Variants in RYR2 observed in about 807,000 individuals in gnomAD.
RYR2 encodes ryanodine receptor 2.
Under a neutral mutation model 601.1 loss-of-function variants are expected in RYR2, and 227 were observed. The ratio of observed to expected loss-of-function variants is 0.38; its 90% confidence interval spans 0.34 to 0.42. The LOEUF (loss-of-function observed/expected upper bound fraction) is 0.42, where lower values mean the gene tolerates loss of function less well. RYR2 is among the 10% of genes least tolerant of loss of function. The probability of loss-of-function intolerance (pLI) is 1.00; values close to 1 mark genes in which losing one functional copy is unlikely to be tolerated. For missense variants in RYR2, 4,646 were observed against 6,156.5 expected (o/e 0.75, Z 8.21); for synonymous variants, 2,223 against 2,175.1 (o/e 1.02, Z -0.61).
intron 1 of RYR2, among the ~76,000 whole-genome samples, chr1:237,209,554 T>C (rs961003527): frequency 6.7e-6 from 1 of 148,708 alleles, no homozygotes; most frequent in African/African-American, 2.5e-5. Flanking sequence ...TCCAAGTGAT[T>C]TGAAAATGCC....
chr1:237,831,682 G>A, intron 104 of RYR2, 117 bp downstream of exon 104: 1 of 641,910 alleles, frequency 1.6e-6, no homozygotes, highest in Non-Finnish European at 2.7e-6. Flanking sequence ...TATTAGTTGT[G>A]GTATCTTGAT....
intron 10 of RYR2, among the ~76,000 whole-genome samples, chr1:237,412,235 T>G (rs1704529011): frequency 1.3e-5 from 2 of 152,124 alleles, no homozygotes; most frequent in Admixed American, 6.6e-5. Flanking sequence ...GACAATATTA[T>G]AATACTTATG....
intron 100 of RYR2, 89 bp from the exon 101 acceptor site, chr1:237,818,947 G>T: frequency 8.6e-7 from 1 of 1,157,964 alleles, no homozygotes; most frequent in Non-Finnish European, 1.2e-6. Context: ...CCAGAGTGAG[G>T]ATTAGGAACT....
chr1:237,702,514 A>T (rs1014211451), intron 66 of RYR2, among the ~76,000 whole-genome samples: 3 of 152,140 alleles, frequency 2.0e-5, no homozygotes, highest in African/African-American at 7.2e-5. Context: ...AAATAAAGAG[A>T]TCACTGGCAA....
intron 2 of RYR2, 23 bp from the exon 3 acceptor site, chr1:237,330,855 C>G: frequency 2.5e-6 from 4 of 1,584,466 alleles, no homozygotes; most frequent in Non-Finnish European, 3.5e-6. Context: ...ATGCTGCTGA[C>G]TGCTCTTCCT....
chr1:237,068,484 C>T (rs1663923071), intron 1 of RYR2, among the ~76,000 whole-genome samples: 1 of 152,080 alleles, frequency 6.6e-6, no homozygotes, highest in Non-Finnish European at 1.5e-5. Flanking sequence ...ACCAACGTGG[C>T]CATTTGTGTA....
chr1:237,432,775 TTTCTGTCA>T (rs773490880), intron 12 of RYR2, among the ~76,000 whole-genome samples: 15 of 152,146 alleles, frequency 9.9e-5, no homozygotes, highest in Non-Finnish European at 1.8e-4. Flanking sequence ...TACATCTGTT[TTTCTGTCA>T]TCACTATCAT....
At chr1:237,060,357 G>GT (rs975342989) in intron 1 of RYR2, among the ~76,000 whole-genome samples, 14 of 152,168 alleles carry the variant, frequency 9.2e-5, no homozygotes, top group South Asian at 8.3e-4. Context: ...TTCATAGACT[G>GT]TTTTTTTCCC....
chr1:237,656,516 A>G (rs181813577), intron 53 of RYR2, among the ~76,000 whole-genome samples: 16 of 152,300 alleles, frequency 1.1e-4, no homozygotes, highest in Admixed American at 7.2e-4. Flanking sequence ...TGTTCTACAA[A>G]TAGGATGTTT....
intron 12 of RYR2, among the ~76,000 whole-genome samples, chr1:237,434,501 T>G (rs1306375011): frequency 6.6e-6 from 1 of 152,226 alleles, no homozygotes; most frequent in Non-Finnish European, 1.5e-5. Flanking sequence ...CTTTCTCTAT[T>G]CCTAGAAGTT....
At chr1:237,359,297 TTGTA>T (rs1699572967) in intron 4 of RYR2, among the ~76,000 whole-genome samples, 1 of 152,200 alleles carries the variant, frequency 6.6e-6, no homozygotes, top group Non-Finnish European at 1.5e-5. Context: ...AATACAATGA[TTGTA>T]TGGGTAATCA....
At chr1:237,435,977 T>C (rs1437303912) in intron 12 of RYR2, among the ~76,000 whole-genome samples, 5 of 152,122 alleles carry the variant, frequency 3.3e-5, no homozygotes, top group Non-Finnish European at 7.4e-5. Flanking sequence ...TCCTTAGGCA[T>C]GGGCTGATGC....
At chr1:237,308,333 C>A (rs1176396748) in intron 2 of RYR2, among the ~76,000 whole-genome samples, 1 of 152,200 alleles carries the variant, frequency 6.6e-6, no homozygotes, top group Non-Finnish European at 1.5e-5. Flanking sequence ...CGTTCCTCCT[C>A]TTACTTTCAG....
At chr1:237,815,315 A>G (rs899370480) in intron 100 of RYR2, among the ~76,000 whole-genome samples, 3 of 152,176 alleles carry the variant, frequency 2.0e-5, no homozygotes, top group Admixed American at 1.3e-4. Context: ...CAGTTGCAGC[A>G]GGATAATTTG....
At chr1:237,335,890 T>G (rs1697199412) in intron 3 of RYR2, among the ~76,000 whole-genome samples, 1 of 152,158 alleles carries the variant, frequency 6.6e-6, no homozygotes, top group South Asian at 2.1e-4. Flanking sequence ...TCTATAAAAT[T>G]CACAATGTAA....
chr1:237,122,860 T>TG (rs397720525), intron 1 of RYR2, among the ~76,000 whole-genome samples: 1 of 151,820 alleles, frequency 6.6e-6, no homozygotes, highest in Non-Finnish European at 1.5e-5. Flanking sequence ...TCAAATAATT[T>TG]CCTTGAAGGT....
intron 1 of RYR2, among the ~76,000 whole-genome samples, chr1:237,234,055 G>T (rs1179550265): frequency 6.6e-6 from 1 of 152,102 alleles, no homozygotes; most frequent in Non-Finnish European, 1.5e-5. Context: ...TGGGTCTACT[G>T]GTCAGAGCAA....
At chr1:237,342,341 A>G (rs578057494) in intron 3 of RYR2, among the ~76,000 whole-genome samples, 1 of 144,122 alleles carries the variant, frequency 6.9e-6, no homozygotes, top group Admixed American at 7.0e-5. Context: ...TTTGGTAAAG[A>G]TAGGTTCTTG....
At chr1:237,745,180 T>G in intron 80 of RYR2, among the ~76,000 whole-genome samples, 1 of 152,242 alleles carries the variant, frequency 6.6e-6, no homozygotes, top group Non-Finnish European at 1.5e-5. Context: ...AATTTCAAAA[T>G]GTAAATCATG....
Sources: allele counts gnomAD v4.1 joint callset (sites outside exome capture counted in the v4.1 genomes callset), GRCh38; gene constraint gnomAD v4.1.1; transcripts MANE v1.5; gene names NCBI Gene and HGNC (gene_info 2026-07-23, HGNC 2026-07-21).